Variants in ASB5 observed in about 807,000 individuals in gnomAD.
ASB5 encodes the protein ankyrin repeat and SOCS box containing 5.
Under a neutral mutation model 42.1 loss-of-function variants are expected in ASB5, and 45 were observed. The observed-to-expected ratio is 1.07, with a 90% CI of 0.84 to 1.37. ASB5 has a LOEUF of 1.37. Ranked by LOEUF, ASB5 falls within the 40% of genes most tolerant of loss-of-function variation. The pLI is 0.00. For synonymous variants in ASB5, 147 were observed against 150.6 expected, an observed-to-expected ratio of 0.98 and a Z score of 0.18; for missense variants, 402 against 399.8, an observed-to-expected ratio of 1.01 and a Z score of -0.05.
chr4:176,251,658 A>T (rs538127567), intron 1 of ASB5, among the ~76,000 whole-genome samples: 1 of 148,372 alleles, frequency 6.7e-6, no homozygotes, highest in African/African-American at 2.5e-5. Context: ...TTAAAAATGG[A>T]GAATCAAAAG....
chr4:176,259,753 C>T (rs1275201815), intron 1 of ASB5, among the ~76,000 whole-genome samples: 2 of 152,174 alleles, frequency 1.3e-5, no homozygotes, highest in African/African-American at 4.8e-5. Flanking sequence ...TGAGCCAGTG[C>T]TTCTATTTAA....
intron 1 of ASB5, among the ~76,000 whole-genome samples, chr4:176,243,001 C>T (rs187265035): frequency 6.6e-6 from 1 of 152,214 alleles, no homozygotes; most frequent in Non-Finnish European, 1.5e-5. Flanking sequence ...TGTAACAGAA[C>T]TAAACTCAAT....
chr4:176,232,410 C>T (rs1403411896), intron 1 of ASB5, among the ~76,000 whole-genome samples: 4 of 152,054 alleles, frequency 2.6e-5, no homozygotes, highest in South Asian at 2.1e-4. Flanking sequence ...TGTGAGCCAC[C>T]GAGCCTGGCC....
At chr4:176,257,186 C>A (rs1362771883) in intron 1 of ASB5, among the ~76,000 whole-genome samples, 1 of 152,168 alleles carries the variant, frequency 6.6e-6, no homozygotes, top group Admixed American at 6.5e-5. Context: ...AGCTTTGACT[C>A]TTTCTGTGGC....
At chr4:176,259,417 A>C (rs1232085261) in intron 1 of ASB5, among the ~76,000 whole-genome samples, 3 of 152,208 alleles carry the variant, frequency 2.0e-5, no homozygotes, top group African/African-American at 7.2e-5. Flanking sequence ...GGAAAACATA[A>C]GTGCACATAA....
chr4:176,272,802 G>A (rs922890442), upstream of ASB5, among the ~76,000 whole-genome samples: 3 of 152,086 alleles, frequency 2.0e-5, no homozygotes, highest in East Asian at 1.9e-4. Context: ...GGGCTAAACT[G>A]TTTTGACTTA....
At chr4:176,257,192 G>C (rs1271959439) in intron 1 of ASB5, among the ~76,000 whole-genome samples, 1 of 152,166 alleles carries the variant, frequency 6.6e-6, no homozygotes, top group Non-Finnish European at 1.5e-5. Flanking sequence ...GACTCTTTCT[G>C]TGGCACTGAC....
At chr4:176,256,551 T>C (rs1464798165) in intron 1 of ASB5, among the ~76,000 whole-genome samples, 1 of 152,230 alleles carries the variant, frequency 6.6e-6, no homozygotes, top group African/African-American at 2.4e-5. Context: ...GATAATTCCA[T>C]ATCTTCATTT....
intron 1 of ASB5, among the ~76,000 whole-genome samples, chr4:176,259,531 A>G (rs1264580214): frequency 6.6e-6 from 1 of 152,216 alleles, no homozygotes; most frequent in Non-Finnish European, 1.5e-5. Context: ...CAGCTCTTGT[A>G]GTGCATTGAG....
chr4:176,222,447 G>A (rs765775516), intron 2 of ASB5, 27 bp from the exon 3 acceptor site: 2 of 1,562,046 alleles, frequency 1.3e-6, no homozygotes, highest in South Asian at 1.1e-5. Flanking sequence ...TTTGAAAGGT[G>A]AGCAAAGAGT....
intron 1 of ASB5, among the ~76,000 whole-genome samples, chr4:176,226,848 G>A (rs1334857346): frequency 6.6e-6 from 1 of 152,226 alleles, no homozygotes; most frequent in Non-Finnish European, 1.5e-5. Context: ...GCTGCAACAT[G>A]TTGCCATGGA....
At chr4:176,221,097 G>A in intron 5 of ASB5, 58 bp downstream of exon 5, 2 of 1,480,298 alleles carry the variant, frequency 1.4e-6, no homozygotes, top group South Asian at 3.0e-5. Context: ...CTCATTTAGA[G>A]AAATAAATAA....
chr4:176,253,590 T>C (rs1444886207), intron 1 of ASB5, among the ~76,000 whole-genome samples: 1 of 152,188 alleles, frequency 6.6e-6, no homozygotes, highest in East Asian at 1.9e-4. Context: ...ATAGAAATCA[T>C]TGAACTATCT....
At chr4:176,275,162 G>T (rs994491401) in intron 2 of ASB5, among the ~76,000 whole-genome samples, 30 of 152,042 alleles carry the variant, frequency 2.0e-4, no homozygotes, top group Admixed American at 1.2e-3. Context: ...TGATCCGCCC[G>T]TCTCGGCCTC....
Position 176,221,450 on chromosome 4 carries a change from CT to C in ASB5, c.534del (p.Gly179ValfsTer9). On this transcript the variant is annotated frameshift_variant and splice_region_variant, in exon 4 of 7. Transcript: ENST00000296525. LOFTEE classifies it high-confidence loss of function. ...LPSPTHEAAS[K>X]GHHECLDILI... is the part of the protein sequence containing the mutation. ...TCACTTAATCCCAGAACTAAGTTAC[CT>C]TTACTGGCGGCCTCATGCGTTGGGG... 1 of 1,612,766 alleles carries C rather than the reference CT, an allele frequency of 6.2e-7. No homozygotes were observed.
intron 2 of ASB5, among the ~76,000 whole-genome samples, chr4:176,274,316 T>C (rs1293416886): frequency 6.6e-6 from 1 of 152,148 alleles, no homozygotes; most frequent in African/African-American, 2.4e-5. Context: ...TTTTTGCTGT[T>C]GTTAATCAAA....
intron 1 of ASB5, among the ~76,000 whole-genome samples, chr4:176,229,916 G>T (rs1291520077): frequency 6.6e-6 from 1 of 152,180 alleles, no homozygotes; most frequent in African/African-American, 2.4e-5. Flanking sequence ...TTGAAGAAGG[G>T]GGTGGGAGTG....
intron 1 of ASB5, among the ~76,000 whole-genome samples, chr4:176,235,227 T>C (rs1287187596): frequency 6.6e-6 from 1 of 152,192 alleles, no homozygotes; most frequent in Non-Finnish European, 1.5e-5. Flanking sequence ...TTTGAAATAG[T>C]AGCAAAACAC....
At chr4:176,270,109 T>A (rs1754441147), upstream of ASB5, among the ~76,000 whole-genome samples, 1 of 152,116 alleles carries the variant, frequency 6.6e-6, no homozygotes. Flanking sequence ...AGAAATAGAA[T>A]AAATTATTAA....
Sources: allele counts gnomAD v4.1 joint callset (sites outside exome capture counted in the v4.1 genomes callset), GRCh38; gene constraint gnomAD v4.1.1; transcripts MANE v1.5; gene names NCBI Gene and HGNC (gene_info 2026-07-23, HGNC 2026-07-21).